DCHS2: variants seen among roughly 807,000 people sequenced by gnomAD.
DCHS2 encodes protocadherin-23.
Under a neutral mutation model 182.4 loss-of-function variants are expected in DCHS2, and 142 were observed. The ratio of observed to expected loss-of-function variants is 0.78; its 90% confidence interval spans 0.68 to 0.89. The LOEUF (loss-of-function observed/expected upper bound fraction) is 0.89, where lower values mean the gene tolerates loss of function less well. Among genes scored for constraint, DCHS2 ranks in the 40% least tolerant of loss-of-function variants. The pLI is 0.00. For missense variants in DCHS2, 4,319 were observed against 4,198.6 expected, an observed-to-expected ratio of 1.03 and a Z score of -0.79; for synonymous variants, 1,740 against 1,663.3, an observed-to-expected ratio of 1.05 and a Z score of -1.12.
chr4:154,359,937 T>C (rs1045901009), intron 3 of DCHS2, among the ~76,000 whole-genome samples: 2 of 152,094 alleles, frequency 1.3e-5, no homozygotes, highest in Admixed American at 1.3e-4. Context: ...TCTTATTTAG[T>C]TGAATCAGTA....
intron 1 of DCHS2, among the ~76,000 whole-genome samples, chr4:154,488,820 C>T (rs559541578): frequency 3.3e-5 from 5 of 151,570 alleles, no homozygotes; most frequent in African/African-American, 4.8e-5. Context: ...TGCAGTGAGC[C>T]GAGATTGAGC....
intron 1 of DCHS2, among the ~76,000 whole-genome samples, chr4:154,452,873 A>G (rs1006049920): frequency 6.6e-6 from 1 of 152,158 alleles, no homozygotes; most frequent in Non-Finnish European, 1.5e-5. Flanking sequence ...ACAATCACAA[A>G]AGCATCATCT....
intron 2 of DCHS2, among the ~76,000 whole-genome samples, chr4:154,372,849 G>GA (rs945269381): frequency 4.6e-5 from 7 of 152,114 alleles, no homozygotes; most frequent in African/African-American, 1.7e-4. Flanking sequence ...TGACTCAGTT[G>GA]AAAAAATATT....
At chr4:154,369,704 A>G (rs1173789084) in intron 2 of DCHS2, among the ~76,000 whole-genome samples, 1 of 152,160 alleles carries the variant, frequency 6.6e-6, no homozygotes, top group Non-Finnish European at 1.5e-5. Context: ...AATTCCATGC[A>G]TGAGTATGTC....
intron 1 of DCHS2, among the ~76,000 whole-genome samples, chr4:154,415,600 A>G (rs1319709712): frequency 6.6e-6 from 1 of 152,222 alleles, no homozygotes; most frequent in African/African-American, 2.4e-5. Context: ...TGGGGGAAAG[A>G]CAGAAAGACT....
chr4:154,471,762 C>A (rs929071290), intron 1 of DCHS2, among the ~76,000 whole-genome samples: 5 of 152,010 alleles, frequency 3.3e-5, no homozygotes, highest in Non-Finnish European at 7.4e-5. Flanking sequence ...TGAGATTGAA[C>A]TTTTCCCTGG....
intron 3 of DCHS2, among the ~76,000 whole-genome samples, chr4:154,346,516 G>A (rs564493324): frequency 8.0e-6 from 1 of 125,392 alleles, no homozygotes; most frequent in East Asian, 2.3e-4. Context: ...TTGGTAACAT[G>A]TCCTTATTTA....
intron 1 of DCHS2, among the ~76,000 whole-genome samples, chr4:154,464,203 A>G (rs919585061): frequency 6.6e-6 from 1 of 152,206 alleles, no homozygotes; most frequent in Non-Finnish European, 1.5e-5. Context: ...AATTCAATAA[A>G]CAGCCATACT....
At chr4:154,433,395 CTTT>C (rs61553613) in intron 1 of DCHS2, among the ~76,000 whole-genome samples, 4 of 103,872 alleles carry the variant, frequency 3.9e-5, no homozygotes, top group South Asian at 6.9e-4. Flanking sequence ...TTTTTTTTTC[CTTT>C]TTTTTTTTTT....
rs1306856747 is a variant in DCHS2 at position 154,329,491 on chromosome 4, T to C, written c.3918+32A>G. 13 of 1,591,520 alleles carry C rather than the reference T, an allele frequency of 8.2e-6. No individual in the cohort carries two copies. In the African/African-American group the frequency reaches 1.2e-4, roughly 15 times the overall value. On this transcript the variant is annotated intron_variant, in intron 6 of 19. Coordinates refer to ENST00000357232, the MANE Select transcript of DCHS2 (RefSeq NM_001358235.2). ...TGCTCAAAACAAATGACTTAAGATA[T>C]TACAAATTCATTGCAAGGTTTCTTC... is the stretch of plus-strand genomic sequence containing the variant.
intron 3 of DCHS2, among the ~76,000 whole-genome samples, chr4:154,339,806 C>G (rs1188960221): frequency 1.3e-5 from 2 of 152,058 alleles, no homozygotes; most frequent in Non-Finnish European, 2.9e-5. Flanking sequence ...TCATGAAAAC[C>G]TGCTGAGAAT....
In DCHS2 at chr4:154,234,744, TGCCCCA is replaced by T; in HGVS notation, c.9902_9907del (p.Leu3301_Gly3302del). On this transcript the variant is annotated inframe_deletion, in exon 20 of 20. Transcript: ENST00000357232. The stretch of plus-strand genomic sequence containing the variant: ...AGAGCGTGGGTGTTTCGGAGGCACC[TGCCCCA>T]GGTTTACTGCCGGCATTCTTGGTGG... The T allele has an allele frequency of 6.2e-7, 1 of 1,613,824 alleles. No individual in the cohort carries two copies. Among genetic ancestry groups the T allele is most frequent in the Non-Finnish European group, 8.5e-7 (1 of 1,179,906 alleles).
intron 16 of DCHS2, among the ~76,000 whole-genome samples, chr4:154,251,676 GC>G (rs1732368223): frequency 6.6e-6 from 1 of 152,000 alleles, no homozygotes; most frequent in Non-Finnish European, 1.5e-5. Flanking sequence ...CCGCCACCAT[GC>G]CTGGCTAATT....
chr4:154,304,864 C>A lies in DCHS2; in HGVS notation c.5410G>T (p.Gly1804Trp), dbSNP rs754988654. ...VFTLRVLVRD[G>W]GFPSLSSTTT... Reference sequence around the variant, plus strand: ...GTGCTGGACAATGAAGGGAATCCCCCATCTCGTACTAGTACTGACACAGAA... The same window carrying A: ...GTGCTGGACAATGAAGGGAATCCCCAATCTCGTACTAGTACTGACACAGAA... The change falls in exon 12 of 20, where the codon GGG becomes TGG. Residue 1804 changes from glycine to tryptophan, a missense_variant. Transcript: ENST00000357232. 6.2e-7 allele frequency: 1 copy of A among 1,611,494 alleles called. No individual in the cohort carries two copies. The highest frequency in any genetic ancestry group is 1.1e-5 in the South Asian group (1 of 90,478).
chr4:154,331,368 T>C (rs1241374126), intron 5 of DCHS2, among the ~76,000 whole-genome samples: 1 of 152,174 alleles, frequency 6.6e-6, no homozygotes, highest in African/African-American at 2.4e-5. Context: ...TGTAGTTTGC[T>C]TATTTTAAAG....
chr4:154,417,770 A>G (rs1053435961), intron 1 of DCHS2, among the ~76,000 whole-genome samples: 1 of 152,226 alleles, frequency 6.6e-6, no homozygotes, highest in Non-Finnish European at 1.5e-5. Flanking sequence ...AACAAAACAT[A>G]AAATCCTTCT....
intron 1 of DCHS2, among the ~76,000 whole-genome samples, chr4:154,423,930 A>G (rs1210713988): frequency 6.6e-6 from 1 of 152,208 alleles, no homozygotes; most frequent in Non-Finnish European, 1.5e-5. Context: ...CCAGGGACCA[A>G]ACTTTCAGCA....
chr4:154,304,627 TTAAAAAAA>T (rs2111298807), intron 12 of DCHS2, 34 bp downstream of exon 12: 1 of 1,392,222 alleles, frequency 7.2e-7, no homozygotes, highest in African/African-American at 1.7e-5. Context: ...AGACTCTGTC[TTAAAAAAA>T]CAAACAAACA....
chr4:154,306,656 G>T (rs1184040421), intron 10 of DCHS2, among the ~76,000 whole-genome samples: 2 of 151,964 alleles, frequency 1.3e-5, no homozygotes, highest in Non-Finnish European at 2.9e-5. Flanking sequence ...TCTTTTAAAT[G>T]AATGAGCTCA....
Sources: allele counts gnomAD v4.1 joint callset (sites outside exome capture counted in the v4.1 genomes callset), GRCh38; gene constraint gnomAD v4.1.1; transcripts MANE v1.5; gene names NCBI Gene and HGNC (gene_info 2026-07-23, HGNC 2026-07-21).